The following OTUD7A variants were observed in gnomAD, a reference collection of about 807,000 sequenced individuals.
The protein encoded by OTUD7A is OTU deubiquitinase 7A, also known as OTU domain-containing protein 7A.
In OTUD7A, 12 loss-of-function variants were observed where a neutral mutation model predicts 65.7. That is an observed-to-expected ratio of 0.18 (90% CI 0.12 to 0.30). The LOEUF is 0.30. OTUD7A is among the 10% of genes least tolerant of loss of function. OTUD7A has a pLI of 1.00. For missense variants in OTUD7A, 1,148 were observed against 1,304.8 expected (o/e 0.88, Z 1.85); for synonymous variants, 641 against 586.3 (o/e 1.09, Z -1.35).
intron 3 of OTUD7A, among the ~76,000 whole-genome samples, chr15:31,613,777 A>T (rs1010924545): frequency 1.3e-5 from 2 of 152,134 alleles, no homozygotes; most frequent in African/African-American, 4.8e-5. Context: ...TGATCTAGCA[A>T]TCTCACTACT....
chr15:31,496,434 G>A (rs915642388), intron 10 of OTUD7A, among the ~76,000 whole-genome samples: 2 of 152,128 alleles, frequency 1.3e-5, no homozygotes, highest in African/African-American at 4.8e-5. Flanking sequence ...ATGTTAGCCA[G>A]GATGGTCTTG....
chr15:31,716,008 A>G (rs910168040), intron 1 of OTUD7A, among the ~76,000 whole-genome samples: 8 of 64,192 alleles, frequency 1.2e-4, no homozygotes, highest in Middle Eastern at 6.7e-3. Context: ...AGGAAGTTAG[A>G]TAGTTATAAA....
intron 1 of OTUD7A, among the ~76,000 whole-genome samples, chr15:31,753,116 T>C (rs987367851): frequency 9.2e-5 from 14 of 152,308 alleles, no homozygotes; most frequent in Middle Eastern, 6.8e-3. Flanking sequence ...CAATGACTAA[T>C]GGCGCAGTTT....
intron 1 of OTUD7A, chr15:31,767,924 T>G (rs1327391907): frequency 2.4e-5 from 37 of 1,535,206 alleles, no homozygotes; most frequent in Non-Finnish European, 3.0e-5. Context: ...ATCATCAACA[T>G]TTTCTGATCC....
At chr15:31,719,988 A>T (rs1893689920) in intron 1 of OTUD7A, among the ~76,000 whole-genome samples, 1 of 152,198 alleles carries the variant, frequency 6.6e-6, no homozygotes, top group South Asian at 2.1e-4. Flanking sequence ...AATATATATG[A>T]CACATATATA....
At chr15:31,625,214 C>A (rs1210771713) in intron 3 of OTUD7A, among the ~76,000 whole-genome samples, 1 of 152,136 alleles carries the variant, frequency 6.6e-6, no homozygotes, top group Non-Finnish European at 1.5e-5. Context: ...GGAAGAAGGT[C>A]CTGCAGCCCC....
At chr15:31,827,128 C>T (rs760899320) in intron 1 of OTUD7A, among the ~76,000 whole-genome samples, 12 of 152,232 alleles carry the variant, frequency 7.9e-5, no homozygotes, top group Non-Finnish European at 1.5e-4. Flanking sequence ...TCCCACTCTA[C>T]TGGTACCAAT....
chr15:31,523,480 G>C (rs561379354), intron 8 of OTUD7A, among the ~76,000 whole-genome samples: 1 of 152,116 alleles, frequency 6.6e-6, no homozygotes. Context: ...CTGACTACTC[G>C]TGTCCACCCT....
At position 31,781,865 on chromosome 15, in the gene OTUD7A, T is replaced by C. The variant is rs534535438; in HGVS notation, c.-100+88642A>G. Among the ~76,000 whole-genome samples the C allele has an allele frequency of 1.2e-4, 18 of 152,370 alleles. 1 individual carries two copies. Among genetic ancestry groups the C allele is most frequent in the Middle Eastern group, 6.8e-3 (2 of 294 alleles). ...CATCTGTATCCTATCTTCAGCCATT[T>C]CCATCAGAAAGATTCTTAAACGTGG... On this transcript the variant is annotated intron_variant, in intron 1 of 12. Coordinates refer to ENST00000307050, the MANE Select transcript of OTUD7A (RefSeq NM_001382637.1).
intron 1 of OTUD7A, among the ~76,000 whole-genome samples, chr15:31,788,819 T>C (rs1421307195): frequency 1.3e-5 from 2 of 152,248 alleles, no homozygotes; most frequent in Non-Finnish European, 2.9e-5. Flanking sequence ...GAGCTCTTTG[T>C]AGTTTAGAAA....
At position 31,734,552 on chromosome 15, in the gene OTUD7A, C is replaced by T. The variant is rs533711642; in HGVS notation, c.-99-77475G>A. On this transcript the variant is annotated intron_variant, in intron 1 of 12. Coordinates refer to ENST00000307050, the MANE Select transcript of OTUD7A (RefSeq NM_001382637.1). Reference sequence around the variant, plus strand: ...AAACAGCATGGTACTGGTACAAAAACAGATACGTAGACCAATGGTACACAA... The same window carrying T: ...AAACAGCATGGTACTGGTACAAAAATAGATACGTAGACCAATGGTACACAA... Among the ~76,000 whole-genome samples, 63 of 152,318 alleles carry T rather than the reference C, an allele frequency of 4.1e-4. 1 individual carries two copies. Among genetic ancestry groups the T allele is most frequent in the African/African-American group, 1.3e-3 (55 of 41,568 alleles).
intron 1 of OTUD7A, among the ~76,000 whole-genome samples, chr15:31,815,177 A>C (rs1896515874): frequency 6.6e-6 from 1 of 152,148 alleles, no homozygotes; most frequent in South Asian, 2.1e-4. Context: ...AAATCTATGC[A>C]ATGTGGAAAC....
Position 31,484,242 on chromosome 15 carries a change from G to A in OTUD7A, c.1854C>T (p.Ala618=). The A allele has an allele frequency of 1.9e-6, 3 of 1,600,956 alleles. No individual in the cohort carries two copies. The highest frequency in any genetic ancestry group is 2.6e-6 in the Non-Finnish European group (3 of 1,175,698). Residue 618 remains alanine, a synonymous_variant, in exon 13 of 13, where the codon GCC becomes GCT. Coordinates refer to ENST00000307050, the MANE Select transcript of OTUD7A (RefSeq NM_001382637.1). The surrounding 1 kb of genome is among the most constrained non-coding windows in gnomAD (Gnocchi z 4.5). Reference sequence around the variant, plus strand: ...GCTTCACATCCGTGCTGTACTTCCAGGCGTCGCCCCGCGGCCCACCGCCCT... The same window carrying A: ...GCTTCACATCCGTGCTGTACTTCCAAGCGTCGCCCCGCGGCCCACCGCCCT... ...AEKGGGPRGD[A]WKYSTDVKLS...
At chr15:31,608,808 T>C (rs1027936211) in intron 3 of OTUD7A, among the ~76,000 whole-genome samples, 4 of 152,156 alleles carry the variant, frequency 2.6e-5, no homozygotes, top group Non-Finnish European at 4.4e-5. Flanking sequence ...GAGGCTCGCA[T>C]CATGAATTTT....
At chr15:31,502,676 G>A (rs577032257) in intron 9 of OTUD7A, among the ~76,000 whole-genome samples, 9 of 152,340 alleles carry the variant, frequency 5.9e-5, no homozygotes, top group East Asian at 1.9e-4. Flanking sequence ...GGTAGGAAGC[G>A]TGGACCTTCC....
chr15:31,659,132 C>T (rs1234125505), intron 1 of OTUD7A, among the ~76,000 whole-genome samples: 1 of 152,010 alleles, frequency 6.6e-6, no homozygotes, highest in Non-Finnish European at 1.5e-5. Flanking sequence ...AACACTGCTG[C>T]ATTATATTTG....
At chr15:31,818,104 C>T (rs947754625) in intron 1 of OTUD7A, among the ~76,000 whole-genome samples, 3 of 152,212 alleles carry the variant, frequency 2.0e-5, no homozygotes, top group African/African-American at 4.8e-5. Flanking sequence ...GAGCAGAGAG[C>T]AAGGGTGCAT....
At chr15:31,534,229 C>T (rs1887723241) in intron 5 of OTUD7A, among the ~76,000 whole-genome samples, 1 of 152,064 alleles carries the variant, frequency 6.6e-6, no homozygotes, top group African/African-American at 2.4e-5. Context: ...TATACCATGA[C>T]CAAGGGATGC....
In OTUD7A at chr15:31,548,494, C is replaced by T. The variant is rs115350923; in HGVS notation, c.550+10475G>A. Among the ~76,000 whole-genome samples, 532 of 152,140 alleles carry T rather than the reference C, an allele frequency of 3.5e-3. 5 individuals are homozygous for T. Among genetic ancestry groups the T allele is most frequent in the African/African-American group, 0.012 (510 of 41,494 alleles). ...GCTCTGAGCTGAACTGAGGAGGTCT[C>T]GTGGCATGGGCAGGATGAGGACATT... is the stretch of plus-strand genomic sequence containing the variant. On this transcript the variant is annotated intron_variant, in intron 5 of 12. Transcript: ENST00000307050.
Sources: allele counts gnomAD v4.1 joint callset (sites outside exome capture counted in the v4.1 genomes callset), GRCh38; gene constraint gnomAD v4.1.1; non-coding constraint Gnocchi (gnomAD v3.1); transcripts MANE v1.5; gene names NCBI Gene and HGNC (gene_info 2026-07-23, HGNC 2026-07-21).